The following TDRD1 variants were observed in gnomAD, a reference collection of about 807,000 sequenced individuals.
The protein encoded by TDRD1 is tudor domain-containing protein 1.
Under a neutral mutation model 140.6 loss-of-function variants are expected in TDRD1, and 37 were observed. That is an observed-to-expected ratio of 0.26 (90% CI 0.20 to 0.35). The LOEUF is 0.35. Among genes scored for constraint, TDRD1 ranks in the 10% least tolerant of loss-of-function variants. TDRD1 has a pLI of 1.00. For synonymous variants in TDRD1, 506 were observed against 475.7 expected (o/e 1.06, Z -0.83); for missense variants, 1,243 against 1,393.0 (o/e 0.89, Z 1.71).
chr10:114,231,941 TAAA>T (rs11316882), exon 26 of TDRD1: 2,681 of 138,532 alleles, frequency 0.019, 75 homozygotes, highest in African/African-American at 0.067. Context: ...GATTTTGTCT[TAAA>T]AAAAAAAAAA....
At chr10:114,201,580 C>A in intron 5 of TDRD1, 65 bp downstream of exon 5, 1 of 1,378,096 alleles carries the variant, frequency 7.3e-7, no homozygotes, top group Non-Finnish European at 1.0e-6. Context: ...AATAAGCGTC[C>A]AATTAGTTAA....
intron 11 of TDRD1, among the ~76,000 whole-genome samples, chr10:114,208,171 GA>G (rs1346536488): frequency 2.6e-5 from 4 of 152,216 alleles, no homozygotes; most frequent in African/African-American, 9.6e-5. Context: ...AGAGGTATAG[GA>G]TGGGGAAGTA....
chr10:114,204,425 G>T (rs1401977307), intron 9 of TDRD1, among the ~76,000 whole-genome samples: 1 of 152,056 alleles, frequency 6.6e-6, no homozygotes, highest in African/African-American at 2.4e-5. Flanking sequence ...TTTTCAATTT[G>T]CTCTTCAAAA....
exon 19 of TDRD1, chr10:114,220,797 ACTT>A: frequency 6.2e-7 from 1 of 1,612,214 alleles, no homozygotes; most frequent in Admixed American, 1.7e-5. Context: ...CAAATGACAG[ACTT>A]GTTAATAAAC....
intron 10 of TDRD1, among the ~76,000 whole-genome samples, chr10:114,205,632 T>C (rs751479660): frequency 6.6e-6 from 1 of 152,306 alleles, no homozygotes; most frequent in East Asian, 1.9e-4. Flanking sequence ...AACAAATCTT[T>C]CGTGTTCTTC....
chr10:114,201,649 T>TC lies in TDRD1; in HGVS notation c.635+135dup, dbSNP rs540026113. ...TAAGCTCTATAACAAAGTGTACAAA[T>TC]CTGAAGTGAACAGCTCTATGAACTT... On this transcript the variant is annotated intron_variant, in intron 5 of 25. Coordinates refer to ENST00000251864, the Ensembl canonical transcript of TDRD1. 271 of 642,182 alleles carry TC rather than the reference T, an allele frequency of 4.2e-4. 3 individuals carry two copies. The African/African-American group carries it at 4.8e-3, about 11-fold the overall frequency. 39.8% of individuals were successfully genotyped at this position (642,182 alleles called of 1,614,324 possible). A position where few individuals can be genotyped will look rare whatever the true frequency, so the allele number is the denominator to read the frequency against.
chr10:114,202,210 A>C, intron 5 of TDRD1, 28 bp from the exon 6 acceptor site: 1 of 1,574,848 alleles, frequency 6.3e-7, no homozygotes, highest in Non-Finnish European at 8.7e-7. Flanking sequence ...CTGTAGTATA[A>C]ATATTGTAAT....
At chr10:114,210,293 T>C (rs2035397535) in intron 11 of TDRD1, among the ~76,000 whole-genome samples, 1 of 152,156 alleles carries the variant, frequency 6.6e-6, no homozygotes, top group Non-Finnish European at 1.5e-5. Context: ...TTGAACTCTT[T>C]TAGGGACTAT....
At chr10:114,199,111 C>G in intron 3 of TDRD1, 62 bp from the exon 4 acceptor site, 1 of 1,547,838 alleles carries the variant, frequency 6.5e-7, no homozygotes, top group Non-Finnish European at 8.7e-7. Context: ...AGTCCCAAAT[C>G]TAGTATTTAA....
At chr10:114,227,853 A>G in intron 23 of TDRD1, 57 bp from the exon 24 acceptor site, 2 of 1,446,808 alleles carry the variant, frequency 1.4e-6, no homozygotes, top group South Asian at 2.3e-5. Context: ...TACACTCCCA[A>G]GTTTTTCTTC....
chr10:114,210,758 C>A lies in TDRD1; in HGVS notation c.1552+10C>A. ...CAACTGCAAAGTGGCCGTAAGTCAGCTTTCTTGATTTGCTCTATGAAGCTA... is the reference window on the plus strand; with the variant it reads ...CAACTGCAAAGTGGCCGTAAGTCAGATTTCTTGATTTGCTCTATGAAGCTA... On this transcript the variant is annotated intron_variant, in intron 12 of 25. Transcript: ENST00000251864. 1 of 1,608,424 alleles carries A rather than the reference C, an allele frequency of 6.2e-7. No homozygotes were observed. The highest frequency in any genetic ancestry group is 8.5e-7 in the Non-Finnish European group (1 of 1,175,388).
intron 3 of TDRD1, among the ~76,000 whole-genome samples, chr10:114,191,879 T>G (rs1234800972): frequency 6.6e-6 from 1 of 152,220 alleles, no homozygotes; most frequent in Non-Finnish European, 1.5e-5. Flanking sequence ...CATCAGCATT[T>G]GGTGGTGTAG....
At chr10:114,232,123 G>C (rs967368620) in exon 26 of TDRD1, 1 of 151,006 alleles carries the variant, frequency 6.6e-6, no homozygotes, top group Non-Finnish European at 1.5e-5. Context: ...TCCTTAATTG[G>C]ATTATTTTTC....
chr10:114,180,267 T>C (rs1338199898), intron 1 of TDRD1, among the ~76,000 whole-genome samples: 2 of 152,210 alleles, frequency 1.3e-5, no homozygotes, highest in Non-Finnish European at 2.9e-5. Flanking sequence ...ATTTACTTCG[T>C]CTCTCATTTA....
intron 5 of TDRD1, among the ~76,000 whole-genome samples, chr10:114,201,900 C>A (rs1464724951): frequency 6.6e-6 from 1 of 152,222 alleles, no homozygotes; most frequent in Non-Finnish European, 1.5e-5. Context: ...AACAGTTTCA[C>A]ATATGACCTC....
chr10:114,214,518 G>A (rs573333567), intron 16 of TDRD1, among the ~76,000 whole-genome samples: 15 of 152,108 alleles, frequency 9.9e-5, no homozygotes, highest in South Asian at 2.1e-4. Context: ...GAGCTAGACC[G>A]TGTCTCTGGA....
intron 21 of TDRD1, among the ~76,000 whole-genome samples, chr10:114,222,916 T>G (rs1048224895): frequency 6.6e-6 from 1 of 152,230 alleles, no homozygotes; most frequent in African/African-American, 2.4e-5. Context: ...TAGGTAGATT[T>G]CTACAAATCT....
chr10:114,226,615 T>C (rs2036452916), intron 22 of TDRD1, among the ~76,000 whole-genome samples: 1 of 152,252 alleles, frequency 6.6e-6, no homozygotes, highest in African/African-American at 2.4e-5. Context: ...GACACCATTT[T>C]TGGCTACCTT....
chr10:114,191,572 T>C (rs993580879), intron 3 of TDRD1, among the ~76,000 whole-genome samples: 21 of 152,234 alleles, frequency 1.4e-4, no homozygotes, highest in Admixed American at 1.3e-4. Flanking sequence ...CTATCCTTTT[T>C]ATTGCTGAGT....
Sources: allele counts gnomAD v4.1 joint callset (sites outside exome capture counted in the v4.1 genomes callset), GRCh38; gene constraint gnomAD v4.1.1; transcripts MANE v1.5; gene names NCBI Gene and HGNC (gene_info 2026-07-23, HGNC 2026-07-21).